SI: variants seen among roughly 807,000 people sequenced by gnomAD.
SI encodes sucrase-isomaltase, intestinal.
A neutral mutation model predicts 253.3 loss-of-function variants in SI; 235 were observed. The observed-to-expected ratio is 0.93, with a 90% confidence interval of 0.83 to 1.03. SI has a LOEUF of 1.03. Ranked by LOEUF, SI falls within the 50% of genes least tolerant of loss-of-function variation. The pLI is 0.00. For synonymous variants in SI, 819 were observed against 712.0 expected (o/e 1.15, Z -2.39); for missense variants, 2,442 against 2,211.1 (o/e 1.10, Z -2.09).
intron 41 of SI, among the ~76,000 whole-genome samples, chr3:164,993,604 T>A (rs115064682): frequency 0.053 from 7,849 of 148,808 alleles, 677 homozygotes; most frequent in African/African-American, 0.18. Context: ...TATTCGGGGT[T>A]TTTTTGTTTT....
At chr3:165,083,118 A>T (rs903181601), upstream of SI, among the ~76,000 whole-genome samples, 2 of 151,872 alleles carry the variant, frequency 1.3e-5, no homozygotes, top group African/African-American at 4.8e-5. Context: ...CTTGTTAAAA[A>T]CATGGTTTAT....
intron 16 of SI, among the ~76,000 whole-genome samples, chr3:165,046,575 G>A (rs969322073): frequency 6.6e-6 from 1 of 151,296 alleles, no homozygotes; most frequent in African/African-American, 2.4e-5. Flanking sequence ...TTTCATATAA[G>A]CTTTTATATG....
chr3:165,028,718 C>T (rs539409136), intron 25 of SI, among the ~76,000 whole-genome samples: 7 of 149,988 alleles, frequency 4.7e-5, no homozygotes, highest in East Asian at 4.4e-4. Context: ...AATGGTGCTA[C>T]GATTATTGGC....
intron 38 of SI, 42 bp from the exon 39 acceptor site, chr3:164,996,814 A>G (rs1718035248): frequency 1.2e-6 from 1 of 853,144 alleles, no homozygotes; most frequent in African/African-American, 1.7e-5. Context: ...TTATTATTTC[A>G]TATATTTTAA....
intron 3 of SI, among the ~76,000 whole-genome samples, chr3:165,073,673 T>A (rs1714747393): frequency 6.6e-6 from 1 of 152,104 alleles, no homozygotes; most frequent in Non-Finnish European, 1.5e-5. Flanking sequence ...CCTCTGCATC[T>A]GTGGATACAA....
intron 32 of SI, among the ~76,000 whole-genome samples, chr3:165,015,620 A>C (rs1430863917): frequency 1.3e-5 from 2 of 152,114 alleles, no homozygotes; most frequent in African/African-American, 4.8e-5. Flanking sequence ...CCAGAGAATG[A>C]ACTAATAATT....
the SI span, among the ~76,000 whole-genome samples, chr3:165,087,060 T>C: frequency 6.6e-6 from 1 of 151,884 alleles, no homozygotes; most frequent in Non-Finnish European, 1.5e-5. Flanking sequence ...TGGGAAAAGG[T>C]AACAAATCTG....
chr3:164,987,083 G>T, intron 45 of SI, 55 bp downstream of exon 45: 2 of 1,284,354 alleles, frequency 1.6e-6, no homozygotes, highest in East Asian at 2.3e-5. Flanking sequence ...TAACGTAAAA[G>T]TAATGTGATA....
Position 165,000,119 on chromosome 3 carries a change from A to G in SI, c.4407-1446T>C, listed in dbSNP as rs529633919. On this transcript the variant is annotated intron_variant, in intron 37 of 47. Transcript: ENST00000264382. ...TTTTTGGAGTTCAGTTCATTTGCAA[A>G]CAAAATTAGTTTTGTTTAATATAAA... Among the ~76,000 whole-genome samples the G allele has an allele frequency of 2.0e-5, 3 of 151,560 alleles. No individual in the cohort carries two copies. The East Asian group carries it at 5.8e-4, about 29-fold the overall frequency.
rs1719128281 is a variant in SI, at chr3:165,018,057, TAA to T, written c.3431_3432del (p.Leu1144GlnfsTer67). ...FTRDQPPGYK[L>X]NSYGFHPYYM... is the part of the protein sequence containing the mutation. ...TAATAGGGATGAAATCCATAGGAATTAAGTTTGTACTGAAATACGAAAAATAA... is the reference window on the plus strand; with the variant it reads ...TAATAGGGATGAAATCCATAGGAATTGTTTGTACTGAAATACGAAAAATAA... On this transcript the variant is annotated frameshift_variant, in exon 29 of 48. Coordinates refer to ENST00000264382, the MANE Select transcript of SI (RefSeq NM_001041.4). LOFTEE classifies it high-confidence loss of function. 6.3e-7 allele frequency: 1 copy of T among 1,595,266 alleles called. No individual in the cohort carries two copies. Among genetic ancestry groups the T allele is most frequent in the Admixed American group, 1.7e-5 (1 of 59,880 alleles).
intron 28 of SI, among the ~76,000 whole-genome samples, chr3:165,018,703 A>G (rs1719161335): frequency 6.6e-6 from 1 of 151,466 alleles, no homozygotes; most frequent in Admixed American, 6.6e-5. Flanking sequence ...GTAATATGCA[A>G]AATTACTAGT....
rs771662500 is a variant in SI at position 165,009,398 on chromosome 3, G to A, written c.4063-3C>T. On this transcript the variant is annotated splice_region_variant and splice_polypyrimidine_tract_variant and intron_variant, in intron 34 of 47. Coordinates refer to ENST00000264382, the MANE Select transcript of SI (RefSeq NM_001041.4). ...AAAGCTACATGAGCTCTGGAAGCCTGTAAAACCAAAATTTAGGCTCACATG... is the reference window on the plus strand; with the variant it reads ...AAAGCTACATGAGCTCTGGAAGCCTATAAAACCAAAATTTAGGCTCACATG... 6 of 1,580,000 alleles carry A rather than the reference G, an allele frequency of 3.8e-6. No homozygotes were observed. Among genetic ancestry groups the A allele is most frequent in the Non-Finnish European group, 5.2e-6 (6 of 1,149,168 alleles).
rs185466356 is a variant in SI at position 165,025,759 on chromosome 3, G to T, written c.2893-1983C>A. ...AACTAAGGTTCATAAATGAAGGAAA[G>T]ATATAACCTTTTTCAGACAAACAAA... is the stretch of plus-strand genomic sequence containing the variant. On this transcript the variant is annotated intron_variant, in intron 25 of 47. Transcript: ENST00000264382. Among the ~76,000 whole-genome samples the T allele has an allele frequency of 4.3e-3, 656 of 151,372 alleles. 6 individuals are homozygous for T. Among genetic ancestry groups the T allele is most frequent in the African/African-American group, 0.015 (624 of 41,432 alleles).
intron 28 of SI, among the ~76,000 whole-genome samples, 163 bp downstream of exon 28, chr3:165,019,439 T>A (rs1039702876): frequency 3.9e-5 from 6 of 151,936 alleles, no homozygotes; most frequent in African/African-American, 1.4e-4. Flanking sequence ...TTATGGTGAC[T>A]TTTTGGGTTT....
At chr3:165,049,952 G>A (rs1713342937) in intron 13 of SI, 77 bp from the exon 14 acceptor site, 2 of 922,118 alleles carry the variant, frequency 2.2e-6, no homozygotes, top group East Asian at 4.9e-5. Flanking sequence ...CTAGTTGTTT[G>A]AAAATGTTTT....
At chr3:164,988,339 TCACTGGGG>T (rs1364526587) in intron 44 of SI, among the ~76,000 whole-genome samples, 1 of 152,180 alleles carries the variant, frequency 6.6e-6, no homozygotes, top group Non-Finnish European at 1.5e-5. Flanking sequence ...CAGTTCACAG[TCACTGGGG>T]TTTAAATATA....
chr3:165,073,000 G>T (rs1175667898), intron 3 of SI, among the ~76,000 whole-genome samples: 1 of 152,034 alleles, frequency 6.6e-6, no homozygotes, highest in Non-Finnish European at 1.5e-5. Context: ...CACAAATATA[G>T]TTTATTTCAC....
At chr3:164,986,715 C>G (rs1021807167) in intron 45 of SI, among the ~76,000 whole-genome samples, 3 of 152,128 alleles carry the variant, frequency 2.0e-5, no homozygotes, top group African/African-American at 4.8e-5. Flanking sequence ...GGCTGTGACC[C>G]TTATGATAAA....
At position 165,017,859 on chromosome 3, in the gene SI, G is replaced by T; in HGVS notation, c.3535C>A (p.Pro1179Thr). Reference sequence around the variant, plus strand: ...GTACGGTAAGTTAGAGCAGGAGTTGGCTGGAATGTAACATCTGGAAATCCA... The same window carrying T: ...GTACGGTAAGTTAGAGCAGGAGTTGTCTGGAATGTAACATCTGGAAATCCA... The part of the protein sequence containing the change: ...NSNAMDVTFQ[P>T]TPALTYRTVG... The change falls in exon 30 of 48, where the codon CCA (proline) becomes ACA (threonine). Residue 1179 changes from proline (P) to threonine (T), a missense_variant. Pro to Thr is a conservative substitution (Grantham distance 38, BLOSUM62 -1). Transcript: ENST00000264382. 4.3e-6 allele frequency: 7 copies of T among 1,612,382 alleles called. No individual in the cohort carries two copies. Among genetic ancestry groups the T allele is most frequent in the Non-Finnish European group, 5.9e-6 (7 of 1,178,834 alleles).
Sources: allele counts gnomAD v4.1 joint callset (sites outside exome capture counted in the v4.1 genomes callset), GRCh38; gene constraint gnomAD v4.1.1; transcripts MANE v1.5; gene names NCBI Gene and HGNC (gene_info 2026-07-23, HGNC 2026-07-21).